The following ERC1 variants were observed in gnomAD, a reference collection of about 807,000 sequenced individuals.
ERC1 encodes ELKS/RAB6-interacting/CAST family member 1, also known as RAB6 interacting protein 2.
In ERC1, 56 loss-of-function variants were observed where a neutral mutation model predicts 132.0. The ratio of observed to expected loss-of-function variants is 0.42; its 90% CI spans 0.34 to 0.53. ERC1 has a LOEUF of 0.53. Among genes scored for constraint, ERC1 ranks in the 20% least tolerant of loss-of-function variants. The pLI, the probability that ERC1 is intolerant of heterozygous loss-of-function variation, is 0.03. For synonymous variants in ERC1, 478 were observed against 476.1 expected, an observed-to-expected ratio of 1.00 and a Z score of -0.05; for missense variants, 1,202 against 1,349.9, an observed-to-expected ratio of 0.89 and a Z score of 1.72.
chr12:1,254,539 G>A (rs2076668739), intron 13 of ERC1, among the ~76,000 whole-genome samples: 2 of 151,748 alleles, frequency 1.3e-5, no homozygotes, highest in African/African-American at 2.4e-5. Flanking sequence ...TTGAGCCAAA[G>A]TCTTACTCCC....
chr12:1,178,865 G>A (rs1245286820), intron 8 of ERC1, among the ~76,000 whole-genome samples: 1 of 152,120 alleles, frequency 6.6e-6, no homozygotes, highest in Non-Finnish European at 1.5e-5. Flanking sequence ...TAAGCTCCAT[G>A]AAGGCAGGGA....
chr12:1,146,312 T>G (rs890616333), intron 8 of ERC1, among the ~76,000 whole-genome samples: 1 of 128,182 alleles, frequency 7.8e-6, no homozygotes, highest in Admixed American at 7.4e-5. Context: ...TTACTGGTTT[T>G]TTTTTTTTTT....
chr12:1,117,088 AT>A (rs1946537790), intron 7 of ERC1, among the ~76,000 whole-genome samples: 1 of 152,208 alleles, frequency 6.6e-6, no homozygotes, highest in Non-Finnish European at 1.5e-5. Flanking sequence ...TAATATAAAT[AT>A]TTTTTAAAGG....
intron 18 of ERC1, among the ~76,000 whole-genome samples, chr12:1,446,836 G>C (rs2093315844): frequency 1.3e-5 from 2 of 152,034 alleles, no homozygotes; most frequent in South Asian, 4.2e-4. Context: ...TTTCTTTCTT[G>C]AAAGAGGAAA....
At chr12:1,045,197 A>C (rs894838224) in intron 2 of ERC1, among the ~76,000 whole-genome samples, 1 of 152,124 alleles carries the variant, frequency 6.6e-6, no homozygotes, top group South Asian at 2.1e-4. Context: ...AAATTCTTAC[A>C]TGATAAGTGT....
Position 1,289,864 on chromosome 12 carries a change from C to T in ERC1, c.2632C>T (p.Leu878=). Reference sequence around the variant, plus strand: ...ATATTTATGATAGGTGGAGGAGTTACTGATGGCCATGGAGAAGGTAAAGCA... The same window carrying T: ...ATATTTATGATAGGTGGAGGAGTTATTGATGGCCATGGAGAAGGTAAAGCA... ...TNAEKQVEEL[L]MAMEKVKQEL... Residue 878 remains leucine, a synonymous_variant, in exon 15 of 19, where the codon CTG becomes TTG. Coordinates refer to ENST00000360905, the MANE Select transcript of ERC1 (RefSeq NM_178040.4). The T allele has an allele frequency of 6.2e-7, 1 of 1,613,502 alleles. No individual in the cohort carries two copies. Among genetic ancestry groups the T allele is most frequent in the Non-Finnish European group, 8.5e-7 (1 of 1,179,546 alleles).
chr12:999,588 C>T (rs2154130618), intron 1 of ERC1, among the ~76,000 whole-genome samples: 1 of 145,162 alleles, frequency 6.9e-6, no homozygotes, highest in East Asian at 2.0e-4. Flanking sequence ...AGGTTGCAAG[C>T]ATTGAACCTG....
intron 17 of ERC1, among the ~76,000 whole-genome samples, chr12:1,422,841 A>G (rs1485505462): frequency 6.6e-6 from 1 of 152,152 alleles, no homozygotes; most frequent in Non-Finnish European, 1.5e-5. Context: ...CCTTTTCTCC[A>G]CATCCTCTCC....
chr12:1,063,261 T>TG (rs55731331), intron 2 of ERC1, among the ~76,000 whole-genome samples: 34 of 148,934 alleles, frequency 2.3e-4, no homozygotes, highest in East Asian at 2.2e-3. Context: ...TATGTATGTA[T>TG]TTATTTATTT....
At chr12:1,044,078 G>A (rs534479946) in intron 2 of ERC1, among the ~76,000 whole-genome samples, 3 of 152,172 alleles carry the variant, frequency 2.0e-5, no homozygotes, top group Admixed American at 6.5e-5. Flanking sequence ...AAATGGGAGA[G>A]TATTAAGTCT....
intron 3 of ERC1, among the ~76,000 whole-genome samples, chr12:1,104,115 T>A (rs997100188): frequency 6.9e-5 from 10 of 145,860 alleles, no homozygotes; most frequent in African/African-American, 2.3e-4. Context: ...CTGAACTCAG[T>A]AAAATTTGGG....
chr12:1,043,100 G>A (rs1160308352), intron 2 of ERC1, among the ~76,000 whole-genome samples: 1 of 149,006 alleles, frequency 6.7e-6, no homozygotes. Context: ...CTGGAGTGCA[G>A]TGGCGCGATC....
chr12:1,279,203 C>T (rs768470695), intron 14 of ERC1, among the ~76,000 whole-genome samples: 17 of 152,056 alleles, frequency 1.1e-4, no homozygotes, highest in African/African-American at 2.4e-4. Flanking sequence ...GAAGCTTTAA[C>T]GACTGTAACT....
intron 18 of ERC1, among the ~76,000 whole-genome samples, chr12:1,464,939 A>G (rs2093715491): frequency 6.6e-6 from 1 of 152,140 alleles, no homozygotes; most frequent in African/African-American, 2.4e-5. Flanking sequence ...ATATTTTATA[A>G]AAAGCTCAGC....
intron 16 of ERC1, among the ~76,000 whole-genome samples, chr12:1,383,094 C>G (rs1027086554): frequency 3.9e-5 from 6 of 152,184 alleles, no homozygotes; most frequent in African/African-American, 1.4e-4. Context: ...ATCTAACTTG[C>G]CTTTCCTATC....
At chr12:992,134 C>T (rs1176093959) in intron 1 of ERC1, among the ~76,000 whole-genome samples, 1 of 152,128 alleles carries the variant, frequency 6.6e-6, no homozygotes. Context: ...TCGCATTACG[C>T]TTAGCTCCTT....
intron 1 of ERC1, chr12:991,559 AC>A (rs1336041810): frequency 6.6e-6 from 1 of 150,692 alleles, no homozygotes; most frequent in African/African-American, 2.4e-5. Context: ...CACCCAGACC[AC>A]CGGCGCCCAC....
In ERC1 at chr12:1,490,934, T is replaced by G. The variant is rs1470998244; in HGVS notation, c.*704T>G. 4.3e-6 allele frequency: 1 copy of G among 232,600 alleles called. No homozygotes were observed. The highest frequency in any genetic ancestry group is 2.2e-5 in the African/African-American group (1 of 45,294). The allele number at this position is 232,600 out of a possible 1,614,324, so 14.4% of individuals were successfully genotyped here. A position where few individuals can be genotyped will look rare whatever the true frequency, so the allele number is the denominator to read the frequency against. ...GTTCCTCGGCCAGTTAACAAGAAGATGGTGTGAGGTGTTCTCCACCAGTCT... is the reference window on the plus strand; with the variant it reads ...GTTCCTCGGCCAGTTAACAAGAAGAGGGTGTGAGGTGTTCTCCACCAGTCT... On this transcript the variant is annotated 3_prime_UTR_variant, in exon 19 of 19. Transcript: ENST00000360905.
At chr12:1,321,601 C>T (rs1472239165) in intron 15 of ERC1, among the ~76,000 whole-genome samples, 1 of 152,132 alleles carries the variant, frequency 6.6e-6, no homozygotes, top group Non-Finnish European at 1.5e-5. Context: ...GATGAATGTT[C>T]TCTTTGGGCA....
Sources: allele counts gnomAD v4.1 joint callset (sites outside exome capture counted in the v4.1 genomes callset), GRCh38; gene constraint gnomAD v4.1.1; transcripts MANE v1.5; gene names NCBI Gene and HGNC (gene_info 2026-07-23, HGNC 2026-07-21).